The following ERBB4 variants were observed in gnomAD, a reference collection of about 807,000 sequenced individuals.
ERBB4 encodes receptor tyrosine-protein kinase erbB-4.
ERBB4 carries 42 observed loss-of-function variants against 158.0 expected under a neutral mutation model. The observed-to-expected ratio is 0.27, with a 90% CI of 0.21 to 0.34. The LOEUF is 0.34. Ranked by LOEUF, ERBB4 falls within the 10% of genes least tolerant of loss-of-function variation. The pLI is 1.00. For missense variants in ERBB4, 1,333 were observed against 1,624.1 expected (o/e 0.82, Z 3.08); for synonymous variants, 583 against 558.7 (o/e 1.04, Z -0.61).
At chr2:212,482,140 A>G (rs1027102633) in intron 1 of ERBB4, among the ~76,000 whole-genome samples, 4 of 152,258 alleles carry the variant, frequency 2.6e-5, no homozygotes, top group Admixed American at 6.5e-5. Flanking sequence ...CAGACTTTCA[A>G]TTCATAAGCA....
intron 3 of ERBB4, among the ~76,000 whole-genome samples, chr2:211,864,595 C>T (rs936793914): frequency 6.6e-5 from 10 of 152,146 alleles, no homozygotes; most frequent in Admixed American, 2.6e-4. Context: ...TTGATATTTA[C>T]GTACCAAGAG....
intron 3 of ERBB4, among the ~76,000 whole-genome samples, chr2:211,933,562 T>G (rs2080233782): frequency 6.6e-6 from 1 of 152,060 alleles, no homozygotes; most frequent in African/African-American, 2.4e-5. Context: ...TCAATGAAAA[T>G]GTATACCTAA....
chr2:212,536,586 C>T (rs1693079205), intron 1 of ERBB4, among the ~76,000 whole-genome samples: 2 of 152,150 alleles, frequency 1.3e-5, no homozygotes, highest in Non-Finnish European at 2.9e-5. Flanking sequence ...CCCAGGGAAA[C>T]GAGAAGAGAC....
intron 3 of ERBB4, among the ~76,000 whole-genome samples, chr2:211,804,068 C>T (rs1413445765): frequency 2.6e-5 from 4 of 152,182 alleles, no homozygotes; most frequent in Non-Finnish European, 1.5e-5. Flanking sequence ...GACATGTCAC[C>T]CCAGAATATC....
chr2:211,802,050 G>A (rs565622383), intron 3 of ERBB4, among the ~76,000 whole-genome samples: 1 of 152,164 alleles, frequency 6.6e-6, no homozygotes, highest in Non-Finnish European at 1.5e-5. Flanking sequence ...ACGAGGTCAG[G>A]AGATCGAGAC....
chr2:212,237,512 T>A lies in ERBB4; in HGVS notation c.83-112609A>T, dbSNP rs566146909. Reference sequence around the variant, plus strand: ...GGAGCACTCCTGTATGAGGTGTCTGTCGACTCCTGCTGGGAGATGTGTCCC... The same window carrying A: ...GGAGCACTCCTGTATGAGGTGTCTGACGACTCCTGCTGGGAGATGTGTCCC... On this transcript the variant is annotated intron_variant, in intron 1 of 27. Transcript: ENST00000342788. Among the ~76,000 whole-genome samples, 4 of 152,230 alleles carry A rather than the reference T, an allele frequency of 2.6e-5. No individual in the cohort carries two copies. The South Asian group carries it at 8.3e-4, about 32-fold the overall frequency.
chr2:212,074,340 A>C (rs2078213142), intron 2 of ERBB4, among the ~76,000 whole-genome samples: 1 of 151,994 alleles, frequency 6.6e-6, no homozygotes, highest in South Asian at 2.1e-4. Context: ...ACATAAAATA[A>C]AGATGCACGT....
intron 3 of ERBB4, among the ~76,000 whole-genome samples, chr2:211,804,326 G>A (rs910186110): frequency 6.6e-6 from 1 of 152,188 alleles, no homozygotes; most frequent in African/African-American, 2.4e-5. Context: ...TGTTAGTCCT[G>A]CATTAATCAC....
At chr2:212,120,949 G>T (rs529176572) in intron 2 of ERBB4, among the ~76,000 whole-genome samples, 2 of 152,152 alleles carry the variant, frequency 1.3e-5, no homozygotes, top group Non-Finnish European at 1.5e-5. Context: ...TTACTATAAT[G>T]TGTTAATACT....
At chr2:211,753,484 T>C (rs1169949470) in intron 4 of ERBB4, among the ~76,000 whole-genome samples, 5 of 152,104 alleles carry the variant, frequency 3.3e-5, no homozygotes, top group African/African-American at 2.4e-5. Context: ...GACTACTCTG[T>C]AGCTAATGTT....
intron 20 of ERBB4, among the ~76,000 whole-genome samples, chr2:211,454,431 T>C (rs1479751063): frequency 1.3e-5 from 2 of 152,236 alleles, no homozygotes; most frequent in Non-Finnish European, 1.5e-5. Context: ...TCTCTGACTC[T>C]ATGCTTTACA....
At position 212,422,500 on chromosome 2, in the gene ERBB4, A is replaced by AACACACACACAC. The variant is rs56308920; in HGVS notation, c.82+115937_82+115948dup. ...GCAACGGTGTGAGACTTGGACTCAAAACACACACACACACACACACACACA... is the reference window on the plus strand; with the variant it reads ...GCAACGGTGTGAGACTTGGACTCAAAACACACACACACACACACACACACACACACACACACA... On this transcript the variant is annotated intron_variant, in intron 1 of 27. Transcript: ENST00000342788. Among the ~76,000 whole-genome samples, 157 of 148,660 alleles carry AACACACACACAC rather than the reference A, an allele frequency of 1.1e-3. 1 individual carries two copies. The highest frequency in any genetic ancestry group is 3.3e-3 in the African/African-American group (132 of 40,566).
intron 5 of ERBB4, among the ~76,000 whole-genome samples, chr2:211,730,157 C>T (rs2074384340): frequency 6.6e-6 from 1 of 151,870 alleles, no homozygotes; most frequent in South Asian, 2.1e-4. Context: ...AGAACTATGG[C>T]TTAATTACTT....
At chr2:211,909,331 T>C (rs186443145) in intron 3 of ERBB4, among the ~76,000 whole-genome samples, 1 of 151,880 alleles carries the variant, frequency 6.6e-6, no homozygotes, top group East Asian at 2.0e-4. Context: ...TATCTATTTA[T>C]ATATGGTCAC....
chr2:211,830,973 A>G (rs566022627), intron 3 of ERBB4, among the ~76,000 whole-genome samples: 1 of 152,206 alleles, frequency 6.6e-6, no homozygotes, highest in South Asian at 2.1e-4. Flanking sequence ...CAGGATGAAA[A>G]TAGAGTGGAA....
intron 1 of ERBB4, among the ~76,000 whole-genome samples, chr2:212,264,730 C>G (rs2085068003): frequency 6.6e-6 from 1 of 151,776 alleles, no homozygotes; most frequent in Non-Finnish European, 1.5e-5. Context: ...AATCTGAGAT[C>G]AGAAAAAAAG....
intron 2 of ERBB4, among the ~76,000 whole-genome samples, chr2:212,113,860 A>G (rs1382405183): frequency 6.6e-6 from 1 of 152,202 alleles, no homozygotes; most frequent in Non-Finnish European, 1.5e-5. Flanking sequence ...GTAAGATGAA[A>G]GGTACTACAG....
intron 2 of ERBB4, among the ~76,000 whole-genome samples, chr2:212,096,328 A>G (rs1045771471): frequency 4.6e-5 from 7 of 152,164 alleles, no homozygotes; most frequent in African/African-American, 1.7e-4. Flanking sequence ...TTACAAGTTA[A>G]AAGTTAATTA....
intron 2 of ERBB4, among the ~76,000 whole-genome samples, chr2:211,970,090 G>C (rs1199626479): frequency 1.3e-5 from 2 of 152,058 alleles, no homozygotes; most frequent in African/African-American, 4.8e-5. Flanking sequence ...GTGGGACATG[G>C]TATCTTTGTT....
Sources: gnomAD v4.1 joint callset for allele counts (sites outside exome capture counted in the v4.1 genomes callset) on GRCh38, gnomAD v4.1.1 for gene constraint, MANE v1.5 for transcripts, NCBI Gene and HGNC (gene_info 2026-07-23, HGNC 2026-07-21) for gene names.